The following GNAT3 variants were observed in gnomAD, a reference collection of about 807,000 sequenced individuals.
The protein encoded by GNAT3 is guanine nucleotide-binding protein G(t) subunit alpha-3.
A neutral mutation model predicts 37.7 loss-of-function variants in GNAT3; 31 were observed. That is an observed-to-expected ratio of 0.82 (90% CI 0.62 to 1.11). The LOEUF (loss-of-function observed/expected upper bound fraction) is 1.11. Ranked by LOEUF, GNAT3 falls within the 50% of genes most tolerant of loss-of-function variation. The pLI, the probability that GNAT3 is intolerant of heterozygous loss-of-function variation, is 0.00. For missense variants in GNAT3, 437 were observed against 412.5 expected, an observed-to-expected ratio of 1.06 and a Z score of -0.51; for synonymous variants, 138 against 139.8, an observed-to-expected ratio of 0.99 and a Z score of 0.09.
chr7:80,494,355 A>G (rs1790674244), intron 2 of GNAT3, among the ~76,000 whole-genome samples: 1 of 152,216 alleles, frequency 6.6e-6, no homozygotes, highest in Admixed American at 6.5e-5. Context: ...TAATATGACT[A>G]AAATATAATG....
At chr7:80,468,109 C>T (rs1790154876) in intron 5 of GNAT3, among the ~76,000 whole-genome samples, 1 of 151,906 alleles carries the variant, frequency 6.6e-6, no homozygotes. Context: ...GTTAAATTGA[C>T]CAAGGCATTA....
chr7:80,475,114 T>C (rs1475333664), intron 4 of GNAT3, among the ~76,000 whole-genome samples: 1 of 151,940 alleles, frequency 6.6e-6, no homozygotes, highest in Non-Finnish European at 1.5e-5. Context: ...GTACCCACTG[T>C]CCCCACTCCC....
chr7:80,503,960 A>C (rs920220501), intron 1 of GNAT3, among the ~76,000 whole-genome samples: 3 of 152,220 alleles, frequency 2.0e-5, no homozygotes, highest in Non-Finnish European at 4.4e-5. Flanking sequence ...AAGAAGAAGC[A>C]AGCTTCAATG....
At chr7:80,486,906 A>G (rs189663760) in intron 3 of GNAT3, among the ~76,000 whole-genome samples, 3 of 152,180 alleles carry the variant, frequency 2.0e-5, no homozygotes, top group Admixed American at 2.0e-4. Flanking sequence ...AAATGCATGG[A>G]ATACCGTATT....
At chr7:80,471,650 A>G (rs1359510405) in intron 5 of GNAT3, among the ~76,000 whole-genome samples, 1 of 152,114 alleles carries the variant, frequency 6.6e-6, no homozygotes, top group Non-Finnish European at 1.5e-5. Flanking sequence ...ACAACACTGA[A>G]AACAACACTC....
intron 3 of GNAT3, among the ~76,000 whole-genome samples, chr7:80,480,940 C>A (rs1790382806): frequency 6.6e-6 from 1 of 152,056 alleles, no homozygotes; most frequent in Non-Finnish European, 1.5e-5. Context: ...TTCCTCAGCT[C>A]CTATTTAAGA....
rs115584566 is a variant in GNAT3, at chr7:80,507,311, A to G, written c.118+4498T>C. Among the ~76,000 whole-genome samples, 1,211 of 152,022 alleles carry G rather than the reference A, an allele frequency of 8.0e-3. 14 individuals are homozygous for G. Among genetic ancestry groups the G allele is most frequent in the African/African-American group, 0.028 (1,149 of 41,514 alleles). ...TAGTTTCCTGGAATCTCTCCCACTCATATCTAGGGATAATTAAAAAAAAAT... is the reference window on the plus strand; with the variant it reads ...TAGTTTCCTGGAATCTCTCCCACTCGTATCTAGGGATAATTAAAAAAAAAT... On this transcript the variant is annotated intron_variant, in intron 1 of 7. Transcript: ENST00000398291.
chr7:80,486,980 T>C (rs1790496869), intron 3 of GNAT3, among the ~76,000 whole-genome samples: 1 of 152,280 alleles, frequency 6.6e-6, no homozygotes, highest in East Asian at 1.9e-4. Flanking sequence ...CGTCTATTTT[T>C]GTAACTATTA....
At chr7:80,467,830 T>C (rs1790150395) in intron 5 of GNAT3, among the ~76,000 whole-genome samples, 1 of 152,054 alleles carries the variant, frequency 6.6e-6, no homozygotes, top group Non-Finnish European at 1.5e-5. Context: ...TGGACATGCT[T>C]GAATACTCTT....
chr7:80,483,787 T>G lies in GNAT3; in HGVS notation c.303+4748A>C, dbSNP rs547284138. 2.0e-5 allele frequency among the ~76,000 whole-genome samples: 3 copies of G among 152,190 alleles called. No homozygotes were observed. In the East Asian group the frequency reaches 5.8e-4, roughly 29 times the overall value. Reference sequence around the variant, plus strand: ...ACTCAAGTCTCTTCCCAATACCACCTCCTCAATGAAGCCTTCTCTAATCAT... The same window carrying G: ...ACTCAAGTCTCTTCCCAATACCACCGCCTCAATGAAGCCTTCTCTAATCAT... On this transcript the variant is annotated intron_variant, in intron 3 of 7. Coordinates refer to ENST00000398291, the MANE Select transcript of GNAT3 (RefSeq NM_001102386.3).
chr7:80,502,460 A>G (rs1175810582), intron 1 of GNAT3, among the ~76,000 whole-genome samples: 1 of 150,426 alleles, frequency 6.6e-6, no homozygotes, highest in East Asian at 1.9e-4. Context: ...ATATTTGTCT[A>G]AGTGTTCATT....
chr7:80,502,247 A>G (rs1790846844), intron 1 of GNAT3, among the ~76,000 whole-genome samples: 1 of 152,148 alleles, frequency 6.6e-6, no homozygotes. Context: ...ATCAAGTGGC[A>G]TACATTAAAT....
intron 1 of GNAT3, among the ~76,000 whole-genome samples, chr7:80,501,610 T>G (rs1178271713): frequency 6.6e-6 from 1 of 152,012 alleles, no homozygotes; most frequent in African/African-American, 2.4e-5. Context: ...CACTTTCTTT[T>G]GTCGTTATGC....
At chr7:80,469,231 A>G (rs1228648410) in intron 5 of GNAT3, among the ~76,000 whole-genome samples, 1 of 152,182 alleles carries the variant, frequency 6.6e-6, no homozygotes. Context: ...ATGGTAATTT[A>G]TGAAATCTAA....
Position 80,497,575 on chromosome 7 carries a change from TATACGTATATAC to T in GNAT3, c.119-2940_119-2929del, listed in dbSNP as rs1562732697. ...ACGTATATACATATACGTATATACA[TATACGTATATAC>T]ATATACGTATATACATATACGTATA... is the stretch of plus-strand genomic sequence containing the variant. On this transcript the variant is annotated intron_variant, in intron 1 of 7. Coordinates refer to ENST00000398291, the MANE Select transcript of GNAT3 (RefSeq NM_001102386.3). Among the ~76,000 whole-genome samples, 1,209 of 142,100 alleles carry T rather than the reference TATACGTATATAC, an allele frequency of 8.5e-3. 28 individuals are homozygous for T. Among genetic ancestry groups the T allele is most frequent in the Non-Finnish European group, 0.013 (825 of 65,066 alleles). The allele number at this position is 142,100 out of a possible 152,430, so 93.2% of individuals were successfully genotyped here.
chr7:80,467,700 A>G lies in GNAT3; in HGVS notation c.591-5069T>C, dbSNP rs143663991. 4.7e-4 allele frequency among the ~76,000 whole-genome samples: 72 copies of G among 152,216 alleles called. 2 individuals carry two copies. In the East Asian group the frequency reaches 0.013, roughly 27 times the overall value. On this transcript the variant is annotated intron_variant, in intron 5 of 7. Coordinates refer to ENST00000398291, the MANE Select transcript of GNAT3 (RefSeq NM_001102386.3). The stretch of plus-strand genomic sequence containing the variant: ...TCCCTTATGCATAAAAATGAAATCA[A>G]AACAAAAAGCTTTATTGTGACCATT...
chr7:80,464,129 G>T (rs1790096627), intron 5 of GNAT3, among the ~76,000 whole-genome samples: 1 of 151,042 alleles, frequency 6.6e-6, no homozygotes, highest in South Asian at 2.1e-4. Context: ...ATAGACTTTA[G>T]ATATCCTATA....
chr7:80,484,787 A>T (rs1412135429), intron 3 of GNAT3, among the ~76,000 whole-genome samples: 1 of 151,986 alleles, frequency 6.6e-6, no homozygotes, highest in African/African-American at 2.4e-5. Context: ...AACCACAACC[A>T]ATAAGAACAA....
Position 80,494,590 on chromosome 7 carries a change from C to G in GNAT3, c.161+15G>C. 7.1e-7 allele frequency: 1 copy of G among 1,412,588 alleles called. No homozygotes were observed. The highest frequency in any genetic ancestry group is 9.8e-7 in the Non-Finnish European group (1 of 1,017,246). The allele number at this position is 1,412,588 out of a possible 1,614,324, so 87.5% of individuals were successfully genotyped here. ...GACATCAAATATTAAACACTTGAGACAGATGTATACCTACTTCATTTGTTT... is the reference window on the plus strand; with the variant it reads ...GACATCAAATATTAAACACTTGAGAGAGATGTATACCTACTTCATTTGTTT... On this transcript the variant is annotated intron_variant, in intron 2 of 7. Transcript: ENST00000398291.
Sources: allele counts gnomAD v4.1 joint callset (sites outside exome capture counted in the v4.1 genomes callset), GRCh38; gene constraint gnomAD v4.1.1; transcripts MANE v1.5; gene names NCBI Gene and HGNC (gene_info 2026-07-23, HGNC 2026-07-21).